Variants in CDC123 observed in about 807,000 individuals in gnomAD.
CDC123 encodes the protein translation initiation factor eIF2 assembly protein.
A neutral mutation model predicts 54.4 loss-of-function variants in CDC123; 37 were observed. The observed-to-expected ratio is 0.68, with a 90% confidence interval of 0.52 to 0.89. The LOEUF (loss-of-function observed/expected upper bound fraction) is 0.89. CDC123 is among the 40% of genes least tolerant of loss of function. The probability of loss-of-function intolerance (pLI) is 0.00; values close to 1 mark genes in which losing one functional copy is unlikely to be tolerated. For missense variants in CDC123, 361 were observed against 412.1 expected (o/e 0.88, Z 1.07); for synonymous variants, 144 against 136.8 (o/e 1.05, Z -0.37).
intron 6 of CDC123, among the ~76,000 whole-genome samples, chr10:12,220,236 T>A (rs1267425290): frequency 6.6e-6 from 1 of 152,236 alleles, no homozygotes; most frequent in East Asian, 1.9e-4. Flanking sequence ...CTGAGGCTGA[T>A]GTTTTTTTTA....
rs1836133482 is a variant in CDC123, at chr10:12,246,165, T to C, written c.734T>C (p.Ile245Thr). The change falls in exon 11 of 13, where the codon ATT (isoleucine) becomes ACT (threonine). Residue 245 changes from isoleucine (I) to threonine (T), a missense_variant. Ile to Thr is a moderately conservative substitution (Grantham distance 89). Coordinates refer to ENST00000281141, the MANE Select transcript of CDC123 (RefSeq NM_006023.3). ...YRDSRGKVWL[I>T]DFNPFGEVTD... ...GTGCTACAGGGGAAGGTGTGGCTCA[T>C]TGACTTTAATCCATTTGGTGAAGTC... is the stretch of plus-strand genomic sequence containing the variant. 6.2e-7 allele frequency: 1 copy of C among 1,613,942 alleles called. No individual in the cohort carries two copies. The highest frequency in any genetic ancestry group is 8.5e-7 in the Non-Finnish European group (1 of 1,179,918).
chr10:12,202,683 T>C (rs1376534144), intron 2 of CDC123, among the ~76,000 whole-genome samples: 1 of 152,224 alleles, frequency 6.6e-6, no homozygotes, highest in Non-Finnish European at 1.5e-5. Flanking sequence ...CTCGCAGAAC[T>C]GAGGGAAACA....
At chr10:12,240,259 A>G (rs994611554) in intron 10 of CDC123, among the ~76,000 whole-genome samples, 14 of 152,192 alleles carry the variant, frequency 9.2e-5, no homozygotes, top group Non-Finnish European at 1.5e-5. Flanking sequence ...AGTTTAGGTC[A>G]CTAAATGCTG....
chr10:12,222,922 C>T (rs768631099), intron 6 of CDC123, among the ~76,000 whole-genome samples: 5 of 151,322 alleles, frequency 3.3e-5, no homozygotes, highest in Non-Finnish European at 7.4e-5. Context: ...GACGGAGTCT[C>T]GCTCTGTTGC....
intron 2 of CDC123, among the ~76,000 whole-genome samples, chr10:12,202,195 G>A (rs1286035389): frequency 6.6e-6 from 1 of 152,120 alleles, no homozygotes; most frequent in Non-Finnish European, 1.5e-5. Context: ...TTGCTAAATG[G>A]TTACACCTGT....
chr10:12,243,758 T>C (rs1415148999), intron 10 of CDC123, among the ~76,000 whole-genome samples: 1 of 148,060 alleles, frequency 6.8e-6, no homozygotes, highest in Admixed American at 6.8e-5. Flanking sequence ...CACTCCAGCC[T>C]GAGTGACAGA....
At chr10:12,217,745 A>G (rs1207570842) in intron 6 of CDC123, among the ~76,000 whole-genome samples, 1 of 152,226 alleles carries the variant, frequency 6.6e-6, no homozygotes, top group African/African-American at 2.4e-5. Flanking sequence ...AATATTTATC[A>G]TAGAAAAGCA....
At chr10:12,241,234 T>C (rs1836053589) in intron 10 of CDC123, among the ~76,000 whole-genome samples, 1 of 152,226 alleles carries the variant, frequency 6.6e-6, no homozygotes, top group Non-Finnish European at 1.5e-5. Context: ...TTCATGTCTT[T>C]TTCACTTTTT....
chr10:12,210,445 C>G, intron 4 of CDC123, 123 bp downstream of exon 4: 3 of 1,178,566 alleles, frequency 2.5e-6, no homozygotes, highest in Non-Finnish European at 2.3e-6. Flanking sequence ...TATTATTTTC[C>G]CTGTGGGCTG....
rs1419161444 is a variant in CDC123, at chr10:12,243,507, G to A, written c.718-2642G>A. On this transcript the variant is annotated intron_variant, in intron 10 of 12. Transcript: ENST00000281141. Reference sequence around the variant, plus strand: ...TACTGACTATAAAAAGCCAAGTAGAGGCTGGGCACAGAGGGTCACGCCTGT... The same window carrying A: ...TACTGACTATAAAAAGCCAAGTAGAAGCTGGGCACAGAGGGTCACGCCTGT... Among the ~76,000 whole-genome samples the A allele has an allele frequency of 2.0e-5, 3 of 152,082 alleles. No individual in the cohort carries two copies. The East Asian group carries it at 5.8e-4, about 29-fold the overall frequency.
chr10:12,237,037 C>G (rs1835986755), intron 8 of CDC123, 107 bp from the exon 9 acceptor site: 1 of 1,318,798 alleles, frequency 7.6e-7, no homozygotes, highest in African/African-American at 1.5e-5. Flanking sequence ...TCAGGGTGAT[C>G]TTCTAATCTA....
intron 11 of CDC123, among the ~76,000 whole-genome samples, chr10:12,249,312 C>T (rs1198505910): frequency 6.6e-6 from 1 of 152,106 alleles, no homozygotes; most frequent in Non-Finnish European, 1.5e-5. Flanking sequence ...GTGGCGCATG[C>T]CTATAGTCCC....
chr10:12,224,957 C>T (rs1175079712), intron 6 of CDC123, among the ~76,000 whole-genome samples: 2 of 152,146 alleles, frequency 1.3e-5, no homozygotes, highest in Admixed American at 6.5e-5. Flanking sequence ...TTGATGCTTC[C>T]TTCCTTTTCC....
Position 12,234,930 on chromosome 10 carries a change from T to C in CDC123, c.490-118T>C, listed in dbSNP as rs975476986. The C allele has an allele frequency of 5.6e-6, 4 of 714,144 alleles. No individual in the cohort carries two copies. In the African/African-American group the frequency reaches 7.1e-5, roughly 13 times the overall value. The allele number at this position is 714,144 out of a possible 1,614,324, so 44.2% of individuals were successfully genotyped here. ...TGCCCGGCCAAGAATGTCATATGCC[T>C]CTTTTTTTAAAACCATTTGATAATG... On this transcript the variant is annotated intron_variant, in intron 7 of 12. Transcript: ENST00000281141.
intron 12 of CDC123, 162 bp from the exon 13 acceptor site, chr10:12,250,149 T>C (rs1836221208): frequency 3.9e-6 from 2 of 511,548 alleles, no homozygotes; most frequent in Non-Finnish European, 6.9e-6. Flanking sequence ...GATAATTTGC[T>C]CAGGAGTCAA....
intron 7 of CDC123, among the ~76,000 whole-genome samples, chr10:12,232,013 A>G (rs370904832): frequency 6.6e-6 from 1 of 151,654 alleles, no homozygotes; most frequent in African/African-American, 2.4e-5. Flanking sequence ...CATCCAGCTA[A>G]TTTTTGTATT....
chr10:12,250,468 A>C lies in CDC123; in HGVS notation c.*131A>C. The C allele has an allele frequency of 1.3e-6, 1 of 748,716 alleles. No homozygotes were observed. Among genetic ancestry groups the C allele is most frequent in the Non-Finnish European group, 2.5e-6 (1 of 405,524 alleles). The allele number at this position is 748,716 out of a possible 1,614,324, so 46.4% of individuals were successfully genotyped here. On this transcript the variant is annotated 3_prime_UTR_variant, in exon 13 of 13. Coordinates refer to ENST00000281141, the MANE Select transcript of CDC123 (RefSeq NM_006023.3). ...TGGACATCAGCCACTTTTTATATTCATGTACATTCACCTGGGGAAAAAAAC... is the reference window on the plus strand; with the variant it reads ...TGGACATCAGCCACTTTTTATATTCCTGTACATTCACCTGGGGAAAAAAAC...
chr10:12,213,564 GT>G (rs570155287), intron 4 of CDC123, among the ~76,000 whole-genome samples: 16 of 146,710 alleles, frequency 1.1e-4, no homozygotes, highest in East Asian at 7.9e-4. Context: ...AAAAGTTTCA[GT>G]TTTTTTTTTT....
At chr10:12,240,007 CAAAAAAA>C (rs34192186) in intron 10 of CDC123, among the ~76,000 whole-genome samples, 9 of 101,706 alleles carry the variant, frequency 8.8e-5, no homozygotes, top group African/African-American at 3.2e-4. Context: ...GACTCCGTCT[CAAAAAAA>C]AAAAAAAAAA....
Sources: allele counts gnomAD v4.1 joint callset (sites outside exome capture counted in the v4.1 genomes callset), GRCh38; gene constraint gnomAD v4.1.1; transcripts MANE v1.5; gene names NCBI Gene and HGNC (gene_info 2026-07-23, HGNC 2026-07-21).